FBXW7: variants seen among roughly 807,000 people sequenced by gnomAD.
The protein encoded by FBXW7 is F-box/WD repeat-containing protein 7.
FBXW7 carries 11 observed loss-of-function variants against 86.3 expected under a neutral mutation model. The ratio of observed to expected loss-of-function variants is 0.13; its 90% CI spans 0.08 to 0.21. The LOEUF (loss-of-function observed/expected upper bound fraction) is 0.21, where lower values mean the gene tolerates loss of function less well. FBXW7 is among the 10% of genes least tolerant of loss of function. The pLI, the probability that FBXW7 is intolerant of heterozygous loss-of-function variation, is 1.00. For missense variants in FBXW7, 488 were observed against 847.4 expected, an observed-to-expected ratio of 0.58 and a Z score of 5.27; for synonymous variants, 313 against 297.9, an observed-to-expected ratio of 1.05 and a Z score of -0.52.
chr4:152,464,305 T>C (rs759251343), intron 2 of FBXW7, among the ~76,000 whole-genome samples: 2 of 152,038 alleles, frequency 1.3e-5, no homozygotes, highest in Admixed American at 6.6e-5. Context: ...GAACCCAGCA[T>C]GGAGCATTAA....
chr4:152,510,932 C>T (rs1163995802), intron 2 of FBXW7, among the ~76,000 whole-genome samples: 1 of 152,080 alleles, frequency 6.6e-6, no homozygotes, highest in African/African-American at 2.4e-5. Context: ...ATCTGAAATG[C>T]TGCCTTCGAT....
intron 4 of FBXW7, among the ~76,000 whole-genome samples, chr4:152,375,740 T>C (rs1734445393): frequency 6.6e-6 from 1 of 152,122 alleles, no homozygotes; most frequent in Non-Finnish European, 1.5e-5. Flanking sequence ...CTTTAAAATA[T>C]AATGTCTTGT....
At chr4:152,444,229 G>A (rs770751380) in intron 2 of FBXW7, among the ~76,000 whole-genome samples, 1 of 148,012 alleles carries the variant, frequency 6.8e-6, no homozygotes, top group African/African-American at 2.4e-5. Flanking sequence ...TATATTCTTC[G>A]AGACTTTACA....
chr4:152,534,766 C>A (rs989420940), intron 2 of FBXW7, among the ~76,000 whole-genome samples, 175 bp downstream of exon 2: 2 of 152,138 alleles, frequency 1.3e-5, no homozygotes, highest in Non-Finnish European at 2.9e-5. Context: ...GTACAAAGAG[C>A]TAAAAAGTTA....
chr4:152,479,982 G>A (rs1354498816), intron 2 of FBXW7, among the ~76,000 whole-genome samples: 3 of 151,970 alleles, frequency 2.0e-5, no homozygotes, highest in Non-Finnish European at 1.5e-5. Flanking sequence ...TCTAAAGGAG[G>A]GCCTTCCTTT....
chr4:152,443,715 T>C (rs1336745625), intron 2 of FBXW7, among the ~76,000 whole-genome samples: 1 of 152,184 alleles, frequency 6.6e-6, no homozygotes, highest in Non-Finnish European at 1.5e-5. Context: ...TATGATCCAT[T>C]TGCATAAACA....
In FBXW7 at chr4:152,323,046, C is replaced by A. The variant is rs767500139; in HGVS notation, c.1959G>T (p.Thr653=). The change falls in exon 14 of 14, where the codon ACG becomes ACT. Residue 653 remains threonine (T), a synonymous_variant. Transcript: ENST00000281708. ...TGACTAGGTTTCGAATAAATTCACC[C>A]GTTTTCAAGTCCCATAGTTTTACAG... ...DGTVKLWDLK[T]GEFIRNLVTL... 3 of 1,613,832 alleles carry A rather than the reference C, an allele frequency of 1.9e-6. No homozygotes were observed. Among genetic ancestry groups the A allele is most frequent in the South Asian group, 1.1e-5 (1 of 91,086 alleles).
At chr4:152,411,215 G>A in intron 4 of FBXW7, 88 bp downstream of exon 4, 1 of 1,401,118 alleles carries the variant, frequency 7.1e-7, no homozygotes, top group Non-Finnish European at 9.4e-7. Context: ...TTAATTTTTA[G>A]TAATACAAAG....
At chr4:152,486,123 T>A (rs1333608579) in intron 2 of FBXW7, among the ~76,000 whole-genome samples, 1 of 152,044 alleles carries the variant, frequency 6.6e-6, no homozygotes, top group East Asian at 1.9e-4. Context: ...TATAAAAGAT[T>A]TTTTAAAATC....
intron 2 of FBXW7, among the ~76,000 whole-genome samples, chr4:152,465,909 A>C (rs1579279501): frequency 6.6e-6 from 1 of 152,110 alleles, no homozygotes; most frequent in South Asian, 2.1e-4. Flanking sequence ...CTGTTAGCCA[A>C]TGAACACCAT....
At chr4:152,533,339 T>C (rs890691776) in intron 2 of FBXW7, among the ~76,000 whole-genome samples, 3 of 152,198 alleles carry the variant, frequency 2.0e-5, no homozygotes, top group African/African-American at 7.2e-5. Flanking sequence ...AAAATACAGC[T>C]TCTACTGTAT....
At chr4:152,444,365 G>T (rs1162713848) in intron 2 of FBXW7, among the ~76,000 whole-genome samples, 1 of 151,820 alleles carries the variant, frequency 6.6e-6, no homozygotes, top group Non-Finnish European at 1.5e-5. Flanking sequence ...AAATTGAGTT[G>T]TTTCCAGTTT....
At chr4:152,416,602 T>G (rs1273053829) in intron 2 of FBXW7, among the ~76,000 whole-genome samples, 1 of 152,186 alleles carries the variant, frequency 6.6e-6, no homozygotes, top group Admixed American at 6.5e-5. Flanking sequence ...ACTGCAAAAT[T>G]TGATGAAAAG....
chr4:152,360,695 G>GACTTT (rs1732851995), intron 4 of FBXW7, among the ~76,000 whole-genome samples: 1 of 151,990 alleles, frequency 6.6e-6, no homozygotes, highest in Non-Finnish European at 1.5e-5. Context: ...ATGGAAGGGT[G>GACTTT]ACTGTAAAAC....
intron 2 of FBXW7, among the ~76,000 whole-genome samples, chr4:152,431,487 G>C (rs1739886482): frequency 6.6e-6 from 1 of 152,076 alleles, no homozygotes; most frequent in Non-Finnish European, 1.5e-5. Context: ...CTGTTCTCAG[G>C]GAAAAAAATG....
chr4:152,530,617 G>C (rs539538114), intron 2 of FBXW7: 7 of 152,226 alleles, frequency 4.6e-5, no homozygotes, highest in Non-Finnish European at 1.0e-4. Context: ...TTGTACAGTA[G>C]AGTATGTGCT....
At chr4:152,477,552 A>C (rs904199473) in intron 2 of FBXW7, among the ~76,000 whole-genome samples, 30 of 152,198 alleles carry the variant, frequency 2.0e-4, no homozygotes, top group Admixed American at 1.4e-3. Context: ...AGTAAACCCC[A>C]AAAAAACCCA....
chr4:152,333,820 G>A (rs1349934575), intron 7 of FBXW7, among the ~76,000 whole-genome samples: 1 of 152,184 alleles, frequency 6.6e-6, no homozygotes, highest in Admixed American at 6.5e-5. Context: ...TTGGGAGGCC[G>A]AGGTGGGTGG....
intron 4 of FBXW7, among the ~76,000 whole-genome samples, chr4:152,354,598 A>T (rs1379889645): frequency 6.6e-6 from 1 of 152,122 alleles, no homozygotes; most frequent in Non-Finnish European, 1.5e-5. Flanking sequence ...AACCTTTTCA[A>T]ATTAAATCTA....
Sources: gnomAD v4.1 joint callset for allele counts (sites outside exome capture counted in the v4.1 genomes callset) on GRCh38, gnomAD v4.1.1 for gene constraint, MANE v1.5 for transcripts, NCBI Gene and HGNC (gene_info 2026-07-23, HGNC 2026-07-21) for gene names.